The following ZFP91 variants were observed in gnomAD, a reference collection of about 807,000 sequenced individuals.
ZFP91 encodes the protein E3 ubiquitin-protein ligase ZFP91.
Under a neutral mutation model 63.5 loss-of-function variants are expected in ZFP91, and 7 were observed. That is an observed-to-expected ratio of 0.11 (90% CI 0.06 to 0.21). The LOEUF is 0.21. Among genes scored for constraint, ZFP91 ranks in the 10% least tolerant of loss-of-function variants. ZFP91 has a pLI of 1.00. For synonymous variants in ZFP91, 330 were observed against 272.1 expected, an observed-to-expected ratio of 1.21 and a Z score of -2.10; for missense variants, 628 against 736.6, an observed-to-expected ratio of 0.85 and a Z score of 1.71.
intron 9 of ZFP91, among the ~76,000 whole-genome samples, chr11:58,615,126 CTG>C (rs912907632): frequency 1.3e-5 from 2 of 152,132 alleles, no homozygotes; most frequent in African/African-American, 4.8e-5. Context: ...TTTTCCTTCT[CTG>C]TGTATTAAGG....
intron 1 of ZFP91, among the ~76,000 whole-genome samples, chr11:58,581,001 A>G (rs979578560): frequency 1.3e-5 from 2 of 152,210 alleles, no homozygotes; most frequent in Admixed American, 6.5e-5. Flanking sequence ...TTCCGTGAGC[A>G]AATTCCTTAA....
At position 58,610,294 on chromosome 11, in the gene ZFP91, C is replaced by A. The variant is rs752682634; in HGVS notation, c.581-4C>A. ...AAATTTTGTTTTTGGCTTTGTTTTT[C>A]TAGATGTTGGAGAAGAGCATCAGTC... is the stretch of plus-strand genomic sequence containing the variant. On this transcript the variant is annotated splice_polypyrimidine_tract_variant and splice_region_variant and intron_variant, in intron 3 of 10. Transcript: ENST00000316059. 43 of 1,591,300 alleles carry A rather than the reference C, an allele frequency of 2.7e-5. No homozygotes were observed. The highest frequency in any genetic ancestry group is 3.3e-5 in the Non-Finnish European group (39 of 1,173,604).
intron 9 of ZFP91, among the ~76,000 whole-genome samples, chr11:58,615,437 A>T (rs1304931397): frequency 6.6e-6 from 1 of 152,182 alleles, no homozygotes; most frequent in East Asian, 1.9e-4. Flanking sequence ...CGTATGAAAA[A>T]CTTTTATAAA....
At chr11:58,592,451 A>G (rs1043871800) in intron 2 of ZFP91, among the ~76,000 whole-genome samples, 3 of 152,132 alleles carry the variant, frequency 2.0e-5, no homozygotes, top group Non-Finnish European at 4.4e-5. Flanking sequence ...ATTTCATTAT[A>G]TCATTACTTT....
intron 2 of ZFP91, among the ~76,000 whole-genome samples, chr11:58,595,572 C>CTT (rs34767843): frequency 3.7e-5 from 5 of 136,822 alleles, no homozygotes; most frequent in Admixed American, 7.3e-5. Context: ...TAGTATCAAT[C>CTT]TTTTTTTTTT....
intron 2 of ZFP91, among the ~76,000 whole-genome samples, chr11:58,597,142 A>G (rs557382608): frequency 9.2e-5 from 14 of 152,336 alleles, no homozygotes; most frequent in African/African-American, 3.1e-4. Flanking sequence ...GAACCAGTCT[A>G]GAAAATTAGT....
Position 58,601,408 on chromosome 11 carries a change from T to C in ZFP91, c.371-8422T>C, listed in dbSNP as rs372947166. ...AACAGTTGTTCATTGTGTTTTCTTA[T>C]GTTTATTTCAGTGGTAGTGTCCCAT... On this transcript the variant is annotated intron_variant, in intron 2 of 10. Transcript: ENST00000316059. Among the ~76,000 whole-genome samples the C allele has an allele frequency of 3.3e-5, 5 of 152,256 alleles. No individual in the cohort carries two copies. In the East Asian group the frequency reaches 7.7e-4, roughly 23 times the overall value.
Position 58,620,289 on chromosome 11 carries a change from C to G in ZFP91, c.*2583C>G, listed in dbSNP as rs1315348707. 1 of 152,200 alleles carries G rather than the reference C, an allele frequency of 6.6e-6. No individual in the cohort carries two copies. Among genetic ancestry groups the G allele is most frequent in the East Asian group, 1.9e-4 (1 of 5,202 alleles). 9.4% of individuals were successfully genotyped at this position (152,200 alleles called of 1,614,324 possible). ...TGTAATTAAACTATCTCAGCCGTTT[C>G]CCTGCTTTCCCTTCTGCTCCATATG... On this transcript the variant is annotated 3_prime_UTR_variant, in exon 11 of 11. Transcript: ENST00000316059.
chr11:58,583,574 C>T (rs1233395149), intron 1 of ZFP91, among the ~76,000 whole-genome samples: 1 of 152,006 alleles, frequency 6.6e-6, no homozygotes, highest in Admixed American at 6.6e-5. Context: ...TGATCAGGAT[C>T]TTAATCAGTA....
chr11:58,613,566 T>C (rs1023785804), intron 8 of ZFP91, among the ~76,000 whole-genome samples: 2 of 152,194 alleles, frequency 1.3e-5, no homozygotes, highest in Non-Finnish European at 2.9e-5. Flanking sequence ...CCCAATGTGG[T>C]GTAAATACAG....
intron 7 of ZFP91, 22 bp from the exon 8 acceptor site, chr11:58,612,740 T>C (rs1565024954): frequency 6.3e-7 from 1 of 1,596,060 alleles, no homozygotes; most frequent in Non-Finnish European, 8.5e-7. Flanking sequence ...TTGCTAACTT[T>C]TCTTCTGCAT....
chr11:58,586,399 C>G (rs1021828960), intron 2 of ZFP91, among the ~76,000 whole-genome samples: 1 of 151,210 alleles, frequency 6.6e-6, no homozygotes, highest in African/African-American at 2.5e-5. Flanking sequence ...AGCTCCTGGC[C>G]TCAAGTGATC....
At chr11:58,616,888 A>G in intron 10 of ZFP91, 73 bp downstream of exon 10, 1 of 1,404,532 alleles carries the variant, frequency 7.1e-7, no homozygotes, top group Non-Finnish European at 1.0e-6. Flanking sequence ...CCGCTTTACA[A>G]ACATATTAGT....
chr11:58,611,262 T>C, intron 5 of ZFP91: 1 of 492,258 alleles, frequency 2.0e-6, no homozygotes, highest in Non-Finnish European at 3.5e-6. Flanking sequence ...ATTTTGATTA[T>C]ATACAAGTTT....
chr11:58,583,829 A>G (rs1046852886), intron 1 of ZFP91, among the ~76,000 whole-genome samples: 1 of 152,046 alleles, frequency 6.6e-6, no homozygotes, highest in Non-Finnish European at 1.5e-5. Context: ...TTTGTATTAC[A>G]CTGTGGCTTC....
chr11:58,600,072 T>G (rs1479601850), intron 2 of ZFP91, among the ~76,000 whole-genome samples: 1 of 152,132 alleles, frequency 6.6e-6, no homozygotes, highest in African/African-American at 2.4e-5. Flanking sequence ...GGTAATACAT[T>G]GTATTGATTA....
At chr11:58,611,883 C>A in intron 6 of ZFP91, 145 bp downstream of exon 6, 1 of 903,390 alleles carries the variant, frequency 1.1e-6, no homozygotes, top group Non-Finnish European at 1.6e-6. Context: ...CCTCAAGCAG[C>A]TGACAATTTC....
At chr11:58,592,232 T>C (rs1009720113) in intron 2 of ZFP91, among the ~76,000 whole-genome samples, 2 of 151,740 alleles carry the variant, frequency 1.3e-5, no homozygotes, top group African/African-American at 4.8e-5. Context: ...AGAGGTGGTG[T>C]ACCACCACAT....
rs35866007 is a variant in ZFP91, at chr11:58,579,065, G to GGCGC, written c.-204_-201dup. On this transcript the variant is annotated 5_prime_UTR_variant, in exon 1 of 11. Coordinates refer to ENST00000316059, the MANE Select transcript of ZFP91 (RefSeq NM_053023.5). ...TCCGATTGGCCCGCTGAGCGTCTGT[G>GGCGC]GCGCGCGCGCGCGCGCCGCCAGCGG... 1,834 of 340,530 alleles carry GGCGC rather than the reference G, an allele frequency of 5.4e-3. 23 individuals carry two copies. The highest frequency in any genetic ancestry group is 0.029 in the African/African-American group (1,117 of 39,046). 21.1% of individuals were successfully genotyped at this position (340,530 alleles called of 1,614,324 possible). A position where few individuals can be genotyped will look rare whatever the true frequency, so the allele number is the denominator to read the frequency against.
Sources: gnomAD v4.1 joint callset for allele counts (sites outside exome capture counted in the v4.1 genomes callset) on GRCh38, gnomAD v4.1.1 for gene constraint, MANE v1.5 for transcripts, NCBI Gene and HGNC (gene_info 2026-07-23, HGNC 2026-07-21) for gene names.